The following MYO18A variants were observed in gnomAD, a reference collection of about 807,000 sequenced individuals.
The protein encoded by MYO18A is unconventional myosin-XVIIIa.
A neutral mutation model predicts 235.8 loss-of-function variants in MYO18A; 78 were observed. The observed-to-expected ratio is 0.33, with a 90% confidence interval of 0.28 to 0.40. MYO18A has a LOEUF of 0.40. Ranked by LOEUF, MYO18A falls within the 10% of genes least tolerant of loss-of-function variation. The pLI, the probability that MYO18A is intolerant of heterozygous loss-of-function variation, is 1.00. For missense variants in MYO18A, 2,215 were observed against 2,699.3 expected, an observed-to-expected ratio of 0.82 and a Z score of 3.98; for synonymous variants, 977 against 1,077.8, an observed-to-expected ratio of 0.91 and a Z score of 1.83.
At position 29,073,600 on chromosome 17, in the gene MYO18A, G is replaced by C. The variant is rs1229712913; in HGVS notation, c.*1170C>G. 1 of 447,464 alleles carries C rather than the reference G, an allele frequency of 2.2e-6. No individual in the cohort carries two copies. Among genetic ancestry groups the C allele is most frequent in the Non-Finnish European group, 4.0e-6 (1 of 250,952 alleles). The allele number at this position is 447,464 out of a possible 1,614,324, so 27.7% of individuals were successfully genotyped here. A position where few individuals can be genotyped will look rare whatever the true frequency, so the allele number is the denominator to read the frequency against. On this transcript the variant is annotated 3_prime_UTR_variant, in exon 42 of 42. Coordinates refer to ENST00000527372, the MANE Select transcript of MYO18A (RefSeq NM_078471.4). ...CCCAGTGAGTACAAACCAATTGCAG[G>C]AGAGAAGGGGGGCGGCAGATGGGAG...
At chr17:29,143,956 GC>G (rs1332347320) in intron 2 of MYO18A, among the ~76,000 whole-genome samples, 2 of 152,336 alleles carry the variant, frequency 1.3e-5, no homozygotes, top group Admixed American at 6.5e-5. Flanking sequence ...CCTTGCATAT[GC>G]CTATATTAGG....
Position 29,134,880 on chromosome 17 carries a change from A to T in MYO18A, c.1000-12627T>A, listed in dbSNP as rs1329260537. 4.6e-5 allele frequency among the ~76,000 whole-genome samples: 7 copies of T among 152,182 alleles called. No homozygotes were observed. In the Middle Eastern group the frequency reaches 0.01, roughly 222 times the overall value. ...TTGCAGGCCTGTGACCTAGGAGAGGAATTGAGGAATCTGCCTCAGGACCCC... is the reference window on the plus strand; with the variant it reads ...TTGCAGGCCTGTGACCTAGGAGAGGTATTGAGGAATCTGCCTCAGGACCCC... On this transcript the variant is annotated intron_variant, in intron 2 of 41. Coordinates refer to ENST00000527372, the MANE Select transcript of MYO18A (RefSeq NM_078471.4).
chr17:29,080,823 A>G, intron 41 of MYO18A: 1 of 985,102 alleles, frequency 1.0e-6, no homozygotes, highest in East Asian at 1.1e-4. Context: ...TGGGGCCCAC[A>G]TGGGCCTTCC....
At chr17:29,093,473 G>T in intron 31 of MYO18A, 46 bp from the exon 32 acceptor site, 1 of 1,477,312 alleles carries the variant, frequency 6.8e-7, no homozygotes. Flanking sequence ...TTTAGTGCCT[G>T]GTGCGAAGCA....
chr17:29,176,342 G>GT (rs942621244), intron 1 of MYO18A, among the ~76,000 whole-genome samples: 3 of 151,952 alleles, frequency 2.0e-5, no homozygotes, highest in Non-Finnish European at 4.4e-5. Context: ...TCTTGTGGCT[G>GT]TAAGTGGGGA....
At chr17:29,157,928 G>T (rs1219413631) in intron 2 of MYO18A, among the ~76,000 whole-genome samples, 1 of 152,106 alleles carries the variant, frequency 6.6e-6, no homozygotes, top group Admixed American at 6.5e-5. Context: ...CAAGTAACTG[G>T]GACTACAGGT....
intron 30 of MYO18A, 180 bp from the exon 31 acceptor site, chr17:29,094,270 T>C: frequency 1.6e-6 from 1 of 610,820 alleles, no homozygotes; most frequent in Non-Finnish European, 2.9e-6. Flanking sequence ...TTACTAGAGG[T>C]CTGGCATAGG....
chr17:29,118,245 T>C lies in MYO18A; in HGVS notation c.1894-56A>G. 6.4e-7 allele frequency: 1 copy of C among 1,571,668 alleles called. No individual in the cohort carries two copies. The highest frequency in any genetic ancestry group is 1.2e-5 in the South Asian group (1 of 86,278). ...CCCTCCCAGCACACCCCCATGAGGC[T>C]GGGCCCTCAGGGCAAGGCTTGGGTA... On this transcript the variant is annotated intron_variant, in intron 9 of 41. Transcript: ENST00000527372. The surrounding 1 kb of genome is among the most constrained non-coding windows in gnomAD (Gnocchi z 4.2).
At chr17:29,093,557 G>A in intron 31 of MYO18A, 130 bp from the exon 32 acceptor site, 1 of 701,378 alleles carries the variant, frequency 1.4e-6, no homozygotes, top group South Asian at 1.7e-5. Context: ...GTTGGTGGAG[G>A]GGTCAGAACC....
rs1485485144 is a variant in MYO18A, at chr17:29,118,425, G to A, written c.1845C>T (p.Leu615=). ...ACACATTGTTCTCTGCCAAGTGGTT[G>A]AGGTGGAGCTCTGTCCTAGGGGTAC... The part of the protein sequence containing the change: ...GDGTLRTELH[L]NHLAENNVFG... The change falls in exon 9 of 42, where the codon CTC becomes CTT. Residue 615 remains leucine, a synonymous_variant. Coordinates refer to ENST00000527372, the MANE Select transcript of MYO18A (RefSeq NM_078471.4). The surrounding 1 kb of genome is among the most constrained non-coding windows in gnomAD (Gnocchi z 4.2). The A allele has an allele frequency of 6.2e-7, 1 of 1,606,424 alleles. No homozygotes were observed. The highest frequency in any genetic ancestry group is 8.5e-7 in the Non-Finnish European group (1 of 1,174,350).
rs1402382496 is a variant in MYO18A at position 29,103,592 on chromosome 17, A to G, written c.3507+7T>C. 6.2e-7 allele frequency: 1 copy of G among 1,613,824 alleles called. No individual in the cohort carries two copies. The highest frequency in any genetic ancestry group is 8.5e-7 in the Non-Finnish European group (1 of 1,179,846). ...AGGCCCGACTGCCCTCCTGTGGGAC[A>G]ACTCACCCGGCTCAGGCCCATGCAG... On this transcript the variant is annotated splice_region_variant and intron_variant, in intron 21 of 41. Transcript: ENST00000527372.
intron 41 of MYO18A, chr17:29,077,952 G>A (rs1347220129): frequency 6.6e-6 from 1 of 152,186 alleles, no homozygotes; most frequent in Non-Finnish European, 1.5e-5. Context: ...TGCCCTAGGG[G>A]TGTGGGGCAC....
intron 15 of MYO18A, among the ~76,000 whole-genome samples, chr17:29,112,643 C>A (rs1356285942): frequency 6.6e-6 from 1 of 152,262 alleles, no homozygotes; most frequent in Non-Finnish European, 1.5e-5. Context: ...CCACATCTGG[C>A]CTGAAGGTGC....
At chr17:29,078,307 T>A (rs777965155) in intron 41 of MYO18A, 2 of 152,248 alleles carry the variant, frequency 1.3e-5, no homozygotes, top group African/African-American at 2.4e-5. Context: ...TGAATAACCA[T>A]GCTCGGCTGA....
At position 29,094,013 on chromosome 17, in the gene MYO18A, C is replaced by T. The variant is rs767298155; in HGVS notation, c.4788G>A (p.Glu1596=). The T allele has an allele frequency of 1.2e-6, 2 of 1,611,894 alleles. No individual in the cohort carries two copies. Among genetic ancestry groups the T allele is most frequent in the South Asian group, 1.1e-5 (1 of 90,346 alleles). Residue 1596 remains glutamate, a synonymous_variant, in exon 31 of 42, where the codon GAG becomes GAA. Coordinates refer to ENST00000527372, the MANE Select transcript of MYO18A (RefSeq NM_078471.4). ...GACACGACTGCCGGGCCTCCTCCAC[C>T]TCCTCATCCCGACTCTCCATCTCCT... The part of the protein sequence containing the change: ...HSKEMESRDE[E]VEEARQSCQK...
intron 2 of MYO18A, among the ~76,000 whole-genome samples, chr17:29,135,279 T>C (rs1488075962): frequency 6.6e-6 from 1 of 151,984 alleles, no homozygotes; most frequent in African/African-American, 2.4e-5. Flanking sequence ...TTTTTGTATT[T>C]TTTTAGTAGA....
Position 29,094,870 on chromosome 17 carries a change from G to C in MYO18A, c.4510-20C>G. The C allele has an allele frequency of 1.2e-6, 2 of 1,614,034 alleles. No individual in the cohort carries two copies. Among genetic ancestry groups the C allele is most frequent in the Non-Finnish European group, 1.7e-6 (2 of 1,179,880 alleles). On this transcript the variant is annotated intron_variant, in intron 29 of 41. Transcript: ENST00000527372. ...TTTTTCCTGGAGCAAAAGAGATGAG[G>C]CTGGTGCAGGGCTGACCCCAGGTTG...
intron 2 of MYO18A, among the ~76,000 whole-genome samples, chr17:29,149,222 G>T (rs144481672): frequency 1.0e-3 from 158 of 152,334 alleles, no homozygotes; most frequent in African/African-American, 3.6e-3. Context: ...GGATGAGCTC[G>T]GTGCCCACTT....
chr17:29,163,408 CTA>C (rs2068215080), intron 2 of MYO18A, among the ~76,000 whole-genome samples: 1 of 152,204 alleles, frequency 6.6e-6, no homozygotes, highest in Non-Finnish European at 1.5e-5. Flanking sequence ...TCTTTCAGCC[CTA>C]TGTGTCTCCT....
Sources: allele counts gnomAD v4.1 joint callset (sites outside exome capture counted in the v4.1 genomes callset), GRCh38; gene constraint gnomAD v4.1.1; non-coding constraint Gnocchi (gnomAD v3.1); transcripts MANE v1.5; gene names NCBI Gene and HGNC (gene_info 2026-07-23, HGNC 2026-07-21).